Variants in EYS observed in about 807,000 individuals in gnomAD.
The protein encoded by EYS is EGF-like photoreceptor maintenance factor, also known as protein eyes shut homolog.
A neutral mutation model predicts 282.1 loss-of-function variants in EYS; 250 were observed. That is an observed-to-expected ratio of 0.89 (90% CI 0.80 to 0.98). The LOEUF (loss-of-function observed/expected upper bound fraction) is 0.98. EYS is among the 50% of genes least tolerant of loss of function. The pLI is 0.00. For missense variants in EYS, 4,016 were observed against 3,709.0 expected (o/e 1.08, Z -2.15); for synonymous variants, 1,355 against 1,282.9 (o/e 1.06, Z -1.20).
chr6:64,162,657 A>T (rs986618453), intron 31 of EYS, among the ~76,000 whole-genome samples: 1 of 152,102 alleles, frequency 6.6e-6, no homozygotes, highest in Non-Finnish European at 1.5e-5. Flanking sequence ...GAGGCTTCAA[A>T]ATCTATGTCA....
At chr6:65,076,747 T>C (rs1339673481) in intron 12 of EYS, among the ~76,000 whole-genome samples, 4 of 151,754 alleles carry the variant, frequency 2.6e-5, no homozygotes. Flanking sequence ...CATGGTAATC[T>C]AAGAGGCATG....
At chr6:64,411,674 C>T (rs146359621) in intron 28 of EYS, among the ~76,000 whole-genome samples, 7 of 151,998 alleles carry the variant, frequency 4.6e-5, no homozygotes, top group African/African-American at 1.7e-4. Context: ...GAGATCCTAC[C>T]AATATACAAA....
At chr6:65,630,947 A>G (rs141354385) in intron 2 of EYS, among the ~76,000 whole-genome samples, 1 of 152,362 alleles carries the variant, frequency 6.6e-6, no homozygotes, top group East Asian at 1.9e-4. Flanking sequence ...TACTTAGGCA[A>G]TAGTTCATAA....
At chr6:63,953,197 C>G (rs1203393025) in intron 35 of EYS, among the ~76,000 whole-genome samples, 1 of 152,182 alleles carries the variant, frequency 6.6e-6, no homozygotes, top group African/African-American at 2.4e-5. Context: ...TGGACTGACC[C>G]TGACACCCAT....
chr6:64,359,689 T>G (rs910687370), intron 29 of EYS, among the ~76,000 whole-genome samples: 1 of 151,704 alleles, frequency 6.6e-6, no homozygotes, highest in African/African-American at 2.4e-5. Flanking sequence ...GGCTTGCAGA[T>G]GGCCTCTTTC....
chr6:65,601,166 A>C (rs1562281231), intron 2 of EYS, among the ~76,000 whole-genome samples: 1 of 151,956 alleles, frequency 6.6e-6, no homozygotes, highest in Non-Finnish European at 1.5e-5. Flanking sequence ...AAGCAAGTTT[A>C]TTAGTGCTTT....
At chr6:65,365,691 T>C (rs1304574723) in intron 8 of EYS, among the ~76,000 whole-genome samples, 12 of 151,684 alleles carry the variant, frequency 7.9e-5, no homozygotes, top group Admixed American at 7.4e-4. Flanking sequence ...ACTAGTTACA[T>C]AGCACTAAGA....
At chr6:65,481,861 C>A (rs180938397) in intron 5 of EYS, among the ~76,000 whole-genome samples, 1 of 152,082 alleles carries the variant, frequency 6.6e-6, no homozygotes, top group African/African-American at 2.4e-5. Context: ...TGAGCCACTG[C>A]GCCCAGTCCA....
chr6:63,981,773 AC>A (rs775373662), intron 35 of EYS, among the ~76,000 whole-genome samples: 30 of 151,846 alleles, frequency 2.0e-4, no homozygotes, highest in Non-Finnish European at 3.8e-4. Flanking sequence ...ACTGACTGAT[AC>A]ATTTTTTTGT....
intron 2 of EYS, among the ~76,000 whole-genome samples, chr6:65,619,808 T>A (rs1266196553): frequency 4.0e-5 from 6 of 150,826 alleles, no homozygotes; most frequent in Non-Finnish European, 7.4e-5. Flanking sequence ...TCTATTGAGA[T>A]AATCATGCGG....
chr6:65,676,373 T>C (rs1238214390), intron 1 of EYS, among the ~76,000 whole-genome samples: 1 of 151,730 alleles, frequency 6.6e-6, no homozygotes, highest in Admixed American at 6.6e-5. Flanking sequence ...AAATTATAAA[T>C]TGAGACATTA....
intron 33 of EYS, among the ~76,000 whole-genome samples, chr6:64,063,328 G>T (rs775433655): frequency 1.3e-5 from 2 of 151,934 alleles, no homozygotes; most frequent in South Asian, 2.1e-4. Context: ...TTAAACTCAC[G>T]ATCTTCTCAA....
At chr6:65,195,324 A>G (rs533589370) in intron 12 of EYS, among the ~76,000 whole-genome samples, 3 of 152,178 alleles carry the variant, frequency 2.0e-5, no homozygotes, top group East Asian at 3.9e-4. Context: ...TATATTTCAT[A>G]TAAGAATGAT....
chr6:64,062,151 G>A (rs916413278), intron 33 of EYS, among the ~76,000 whole-genome samples: 2 of 152,082 alleles, frequency 1.3e-5, no homozygotes, highest in African/African-American at 4.8e-5. Flanking sequence ...GTTGGAAAAA[G>A]CCGTACCAAA....
chr6:65,506,965 G>T (rs531590374), intron 2 of EYS, among the ~76,000 whole-genome samples: 1 of 151,962 alleles, frequency 6.6e-6, no homozygotes, highest in African/African-American at 2.4e-5. Flanking sequence ...TTACTTTGAA[G>T]TTATTTCTAT....
intron 37 of EYS, among the ~76,000 whole-genome samples, chr6:63,805,983 C>A (rs981744006): frequency 2.0e-5 from 3 of 152,152 alleles, no homozygotes; most frequent in Admixed American, 1.3e-4. Context: ...AATACAGTAG[C>A]CCTGATGCAA....
chr6:64,625,724 G>C (rs1234337128), intron 23 of EYS, among the ~76,000 whole-genome samples: 4 of 152,146 alleles, frequency 2.6e-5, no homozygotes, highest in Non-Finnish European at 5.9e-5. Context: ...AGTTTATTCA[G>C]CTCGTCCATC....
At position 64,456,976 on chromosome 6, in the gene EYS, T is replaced by G. The variant is rs142618165; in HGVS notation, c.5645-17624A>C. On this transcript the variant is annotated intron_variant, in intron 26 of 42. Coordinates refer to ENST00000503581, the MANE Select transcript of EYS (RefSeq NM_001142800.2). ...TCTGAAAAGTGTGTAAAGCCAATGT[T>G]ATTATGACCTTTTTTGATGTAGGTG... is the stretch of plus-strand genomic sequence containing the variant. 1.8e-3 allele frequency among the ~76,000 whole-genome samples: 281 copies of G among 152,166 alleles called. 1 individual carries two copies. Among genetic ancestry groups the G allele is most frequent in the African/African-American group, 6.6e-3 (273 of 41,560 alleles).
intron 15 of EYS, among the ~76,000 whole-genome samples, chr6:64,915,185 A>G (rs1281534265): frequency 1.3e-5 from 2 of 152,130 alleles, no homozygotes; most frequent in East Asian, 3.9e-4. Context: ...ACAAACAACT[A>G]TACACTTACC....
Sources: allele counts gnomAD v4.1 joint callset (sites outside exome capture counted in the v4.1 genomes callset), GRCh38; gene constraint gnomAD v4.1.1; transcripts MANE v1.5; gene names NCBI Gene and HGNC (gene_info 2026-07-23, HGNC 2026-07-21).